ACSS1: variants seen among roughly 807,000 people sequenced by gnomAD.
ACSS1 encodes acetyl-coenzyme A synthetase 2-like, mitochondrial.
A neutral mutation model predicts 75.3 loss-of-function variants in ACSS1; 42 were observed. That is an observed-to-expected ratio of 0.56 (90% CI 0.44 to 0.72). The LOEUF (loss-of-function observed/expected upper bound fraction) is 0.72. ACSS1 is among the 30% of genes least tolerant of loss of function. The probability of loss-of-function intolerance (pLI) is 0.00; values close to 1 mark genes in which losing one functional copy is unlikely to be tolerated. For missense variants in ACSS1, 782 were observed against 935.7 expected, an observed-to-expected ratio of 0.84 and a Z score of 2.14; for synonymous variants, 380 against 376.8, an observed-to-expected ratio of 1.01 and a Z score of -0.10.
At chr20:25,042,399 C>G (rs1006316804) in intron 2 of ACSS1, among the ~76,000 whole-genome samples, 1 of 152,096 alleles carries the variant, frequency 6.6e-6, no homozygotes, top group Admixed American at 6.5e-5. Flanking sequence ...AGAGGCTGCC[C>G]GGGCACCCTC....
At chr20:25,039,750 G>C (rs769164719) in intron 2 of ACSS1, among the ~76,000 whole-genome samples, 8 of 152,258 alleles carry the variant, frequency 5.3e-5, no homozygotes, top group Non-Finnish European at 1.0e-4. Flanking sequence ...TAAAGTACCA[G>C]GCCAGACTCC....
At chr20:25,021,810 T>G (rs1307081781) in intron 5 of ACSS1, among the ~76,000 whole-genome samples, 2 of 152,232 alleles carry the variant, frequency 1.3e-5, no homozygotes, top group Non-Finnish European at 2.9e-5. Flanking sequence ...AGGCCAAGAA[T>G]GGCATCAAGC....
At position 25,020,153 on chromosome 20, in the gene ACSS1, G is replaced by A; in HGVS notation, c.1109-6C>T. 1 of 1,614,074 alleles carries A rather than the reference G, an allele frequency of 6.2e-7. No homozygotes were observed. The highest frequency in any genetic ancestry group is 8.5e-7 in the Non-Finnish European group (1 of 1,179,926). ...TACTGTCTCCCAGTACCGACCTACA[G>A]AAAGGCCGAAATTCACTGTCAGCAG... On this transcript the variant is annotated splice_region_variant and splice_polypyrimidine_tract_variant and intron_variant, in intron 6 of 13. Transcript: ENST00000323482.
Position 25,006,744 on chromosome 20 carries a change from C to G in ACSS1, c.*1018G>C, listed in dbSNP as rs530893592. The G allele has an allele frequency of 7.2e-7, 1 of 1,394,892 alleles. No individual in the cohort carries two copies. Among genetic ancestry groups the G allele is most frequent in the Non-Finnish European group, 9.6e-7 (1 of 1,036,418 alleles). 86.4% of individuals were successfully genotyped at this position (1,394,892 alleles called of 1,614,324 possible). On this transcript the variant is annotated 3_prime_UTR_variant, in exon 14 of 14. Coordinates refer to ENST00000323482, the MANE Select transcript of ACSS1 (RefSeq NM_032501.4). ...TGACAGCACCTAAGTCACATTAAAA[C>G]AAAGAGAGACTGGATCCAGACCTCC...
intron 13 of ACSS1, 75 bp from the exon 14 acceptor site, chr20:25,008,016 C>A: frequency 6.6e-7 from 1 of 1,523,666 alleles, no homozygotes; most frequent in South Asian, 1.3e-5. Flanking sequence ...GCATTAAGAT[C>A]AGAAGGGCTC....
intron 2 of ACSS1, chr20:25,032,516 A>C (rs971478492): frequency 2.4e-6 from 3 of 1,268,242 alleles, no homozygotes; most frequent in East Asian, 3.0e-5. Flanking sequence ...TATTTGCAAT[A>C]AAAAGAGCTA....
intron 7 of ACSS1, among the ~76,000 whole-genome samples, chr20:25,017,810 C>T (rs1461555957): frequency 6.6e-6 from 1 of 152,232 alleles, no homozygotes. Context: ...GTGAACCTTC[C>T]TTCAGGAGAC....
Position 25,007,827 on chromosome 20 carries a change from T to TG in ACSS1, c.2004dup (p.Ser669GlnfsTer21). 6.2e-7 allele frequency: 1 copy of TG among 1,614,204 alleles called. No individual in the cohort carries two copies. Among genetic ancestry groups the TG allele is most frequent in the Non-Finnish European group, 8.5e-7 (1 of 1,180,020 alleles). On this transcript the variant is annotated frameshift_variant, in exon 14 of 14. Transcript: ENST00000323482. LOFTEE classifies it high-confidence loss of function. ...ACACTCAGGATCTCTGCGATGATGC[T>TG]GGGGTCCTCCAAGGTGGTAGTGTCT...
intron 10 of ACSS1, 124 bp from the exon 11 acceptor site, chr20:25,013,063 C>A (rs1430973551): frequency 1.3e-5 from 19 of 1,410,220 alleles, no homozygotes; most frequent in Admixed American, 2.0e-5. Flanking sequence ...GCCCTCCTTG[C>A]AACTCCGATG....
intron 1 of ACSS1, among the ~76,000 whole-genome samples, chr20:25,048,397 T>A (rs2089130339): frequency 6.6e-6 from 1 of 152,066 alleles, no homozygotes; most frequent in Non-Finnish European, 1.5e-5. Flanking sequence ...CCTGCAAATA[T>A]TTTGAAGTGG....
chr20:25,032,608 G>A, intron 2 of ACSS1: 2 of 1,232,900 alleles, frequency 1.6e-6, no homozygotes, highest in Non-Finnish European at 2.0e-6. Context: ...CCTGCCCTCT[G>A]CAGGGGCCCA....
chr20:25,048,278 C>T (rs2089128863), intron 1 of ACSS1, 97 bp from the exon 2 acceptor site: 2 of 964,816 alleles, frequency 2.1e-6, no homozygotes, highest in Non-Finnish European at 1.6e-6. Flanking sequence ...TTTGCTGTGG[C>T]TCTCTCTTCT....
At chr20:25,032,601 G>T (rs144051149) in intron 2 of ACSS1, 1 of 1,235,382 alleles carries the variant, frequency 8.1e-7, no homozygotes, top group Admixed American at 4.1e-5. Flanking sequence ...CGCGACCCCT[G>T]CCCTCTGCAG....
rs1478697759 is a variant in ACSS1 at position 25,012,666 on chromosome 20, T to G, written c.1708-2A>C. The G allele has an allele frequency of 6.2e-6, 10 of 1,614,136 alleles. No individual in the cohort carries two copies. The highest frequency in any genetic ancestry group is 8.5e-6 in the Non-Finnish European group (10 of 1,180,018). The stretch of plus-strand genomic sequence containing the variant: ...TTCTGGTACTGCAGGGTGGTCGGCC[T>G]GTGTACAACAGAGAACAAAAGGGCA... On this transcript the variant is annotated splice_acceptor_variant, in intron 11 of 13. Coordinates refer to ENST00000323482, the MANE Select transcript of ACSS1 (RefSeq NM_032501.4). LOFTEE classifies it high-confidence loss of function.
intron 1 of ACSS1, among the ~76,000 whole-genome samples, chr20:25,055,120 G>C (rs2089224181): frequency 6.6e-6 from 1 of 152,194 alleles, no homozygotes; most frequent in Non-Finnish European, 1.5e-5. Flanking sequence ...CACGAATAAA[G>C]TGAAGTAAGG....
chr20:25,012,580 G>A (rs761989302), intron 12 of ACSS1, 21 bp downstream of exon 12: 3 of 1,613,890 alleles, frequency 1.9e-6, no homozygotes, highest in Admixed American at 3.3e-5. Flanking sequence ...TCAGGGAGGA[G>A]CTCATCTCCA....
chr20:25,008,638 C>T (rs972080369), intron 13 of ACSS1, among the ~76,000 whole-genome samples: 3 of 152,148 alleles, frequency 2.0e-5, no homozygotes, highest in South Asian at 2.1e-4. Context: ...AATGAAAAGC[C>T]GGGGGTTGAA....
At position 25,048,121 on chromosome 20, in the gene ACSS1, C is replaced by T. The variant is rs761888440; in HGVS notation, c.395G>A (p.Arg132His). The change falls in exon 2 of 14, where the codon CGC (arginine) becomes CAC (histidine). Residue 132 changes from arginine (R) to histidine (H), a missense_variant. Physicochemically the swap from Arg to His is conservative, Grantham distance 29. Transcript: ENST00000323482. ...SPESVALIWE[R>H]DEPGTEVRIT... ...CCTCACTTCCGTTCCAGGCTCATCG[C>T]GCTCCCAGATCAAAGCAACGCTCTC... is the stretch of plus-strand genomic sequence containing the variant. The T allele has an allele frequency of 3.7e-6, 6 of 1,613,698 alleles. No individual in the cohort carries two copies. The highest frequency in any genetic ancestry group is 2.2e-5 in the East Asian group (1 of 44,830).
intron 13 of ACSS1, among the ~76,000 whole-genome samples, chr20:25,008,898 G>A (rs1416027118): frequency 6.6e-5 from 10 of 152,042 alleles, no homozygotes; most frequent in African/African-American, 2.2e-4. Context: ...CTGGCTGGGC[G>A]TGGAAGCCTG....
Sources: allele counts gnomAD v4.1 joint callset (sites outside exome capture counted in the v4.1 genomes callset), GRCh38; gene constraint gnomAD v4.1.1; transcripts MANE v1.5; gene names NCBI Gene and HGNC (gene_info 2026-07-23, HGNC 2026-07-21).